Variants in ARB2A observed in about 807,000 individuals in gnomAD.
ARB2A encodes the protein cotranscriptional regulator ARB2A.
the ARB2A span, among the ~76,000 whole-genome samples, chr5:93,913,845 T>C: frequency 6.6e-6 from 1 of 151,998 alleles, no homozygotes; most frequent in African/African-American, 2.4e-5. Context: ...CTTGAAATTA[T>C]TATAGTGATT....
At chr5:93,619,753 A>G in the ARB2A span, 3 of 152,236 alleles carry the variant, frequency 2.0e-5, no homozygotes, top group Admixed American at 6.5e-5. Flanking sequence ...AGTGTTGGCC[A>G]CATCTTAGCT....
chr5:93,881,140 A>G, the ARB2A span, among the ~76,000 whole-genome samples: 5 of 151,718 alleles, frequency 3.3e-5, no homozygotes, highest in Admixed American at 2.0e-4. Flanking sequence ...TTAAAGAAAC[A>G]GCGTGTTTGG....
chr5:93,636,937 T>G, the ARB2A span, among the ~76,000 whole-genome samples: 1 of 152,246 alleles, frequency 6.6e-6, no homozygotes, highest in South Asian at 2.1e-4. Flanking sequence ...CTTTTATCAT[T>G]TTCCCCAATG....
the ARB2A span, among the ~76,000 whole-genome samples, chr5:94,044,135 G>A: frequency 6.6e-6 from 1 of 152,194 alleles, no homozygotes; most frequent in African/African-American, 2.4e-5. Flanking sequence ...TAAAAATCTG[G>A]ATCAGTAGCC....
the ARB2A span, among the ~76,000 whole-genome samples, chr5:93,986,163 A>G: frequency 1.4e-5 from 2 of 147,338 alleles, no homozygotes; most frequent in African/African-American, 5.1e-5. Context: ...CCAGTCTGGG[A>G]AGTGAGGAGC....
chr5:93,659,149 G>A, the ARB2A span, among the ~76,000 whole-genome samples: 1 of 151,942 alleles, frequency 6.6e-6, no homozygotes, highest in Non-Finnish European at 1.5e-5. Flanking sequence ...ATATAAAAAT[G>A]AGATTTCAAC....
At chr5:93,832,253 T>A in the ARB2A span, among the ~76,000 whole-genome samples, 1 of 151,908 alleles carries the variant, frequency 6.6e-6, no homozygotes, top group East Asian at 1.9e-4. Context: ...GATGCAGGAG[T>A]TATCCTGGCT....
At chr5:94,008,041 C>G in the ARB2A span, among the ~76,000 whole-genome samples, 2 of 151,996 alleles carry the variant, frequency 1.3e-5, no homozygotes. Flanking sequence ...ATAAAATACA[C>G]AAAGACATTA....
chr5:93,659,334 T>C, the ARB2A span, among the ~76,000 whole-genome samples: 1 of 152,070 alleles, frequency 6.6e-6, no homozygotes, highest in East Asian at 1.9e-4. Flanking sequence ...TCTTATAAAG[T>C]GGTTTTTGAC....
the ARB2A span, among the ~76,000 whole-genome samples, chr5:94,075,123 CT>C: frequency 6.6e-6 from 1 of 151,986 alleles, no homozygotes; most frequent in Non-Finnish European, 1.5e-5. Context: ...TAAAAAATAT[CT>C]TTGGGTAGTT....
chr5:94,045,618 A>C, the ARB2A span, among the ~76,000 whole-genome samples: 3 of 152,192 alleles, frequency 2.0e-5, no homozygotes, highest in African/African-American at 7.2e-5. Context: ...AACATTAAAA[A>C]ATCTCTAAAA....
At chr5:93,653,910 C>T in the ARB2A span, among the ~76,000 whole-genome samples, 1 of 152,186 alleles carries the variant, frequency 6.6e-6, no homozygotes, top group Non-Finnish European at 1.5e-5. Context: ...GACTCACATC[C>T]ATGTTTTTGG....
chr5:93,666,224 A>T, the ARB2A span, among the ~76,000 whole-genome samples: 1 of 152,216 alleles, frequency 6.6e-6, no homozygotes, highest in African/African-American at 2.4e-5. Context: ...TCATTTTAAT[A>T]AACGTAGACT....
the ARB2A span, among the ~76,000 whole-genome samples, chr5:93,663,641 C>T: frequency 3.9e-5 from 6 of 152,160 alleles, no homozygotes; most frequent in East Asian, 5.8e-4. Context: ...TGGGATTGGG[C>T]GCCCTTCACA....
At chr5:93,733,338 C>T in the ARB2A span, 2 of 151,760 alleles carry the variant, frequency 1.3e-5, no homozygotes, top group African/African-American at 2.4e-5. Flanking sequence ...GTAGCTGGGA[C>T]TACAGGCATG....
the ARB2A span, among the ~76,000 whole-genome samples, chr5:93,995,117 A>G: frequency 6.6e-6 from 1 of 152,216 alleles, no homozygotes; most frequent in Non-Finnish European, 1.5e-5. Context: ...AAAGTACAGT[A>G]TTAAATCATA....
chr5:93,731,894 C>G, the ARB2A span, among the ~76,000 whole-genome samples: 11 of 152,168 alleles, frequency 7.2e-5, no homozygotes, highest in African/African-American at 2.7e-4. Flanking sequence ...CTTTTCCAAC[C>G]ACAGTCTTTG....
At chr5:94,060,770 T>C in the ARB2A span, among the ~76,000 whole-genome samples, 1 of 152,098 alleles carries the variant, frequency 6.6e-6, no homozygotes, top group Non-Finnish European at 1.5e-5. Flanking sequence ...CAACAAAATA[T>C]TAATTCAAAA....
At chr5:93,924,906 C>G in the ARB2A span, among the ~76,000 whole-genome samples, 5 of 152,250 alleles carry the variant, frequency 3.3e-5, no homozygotes, top group East Asian at 7.7e-4. Context: ...CACTCATGCA[C>G]AGACTCTATT....
Sources: allele counts gnomAD v4.1 joint callset (sites outside exome capture counted in the v4.1 genomes callset), GRCh38; gene constraint gnomAD v4.1.1; transcripts MANE v1.5; gene names NCBI Gene and HGNC (gene_info 2026-07-23, HGNC 2026-07-21).